DAB1: variants seen among roughly 807,000 people sequenced by gnomAD.
DAB1 encodes the protein disabled homolog 1.
A neutral mutation model predicts 64.6 loss-of-function variants in DAB1; 15 were observed. The ratio of observed to expected loss-of-function variants is 0.23; its 90% CI spans 0.16 to 0.36. The LOEUF (loss-of-function observed/expected upper bound fraction) is 0.36. DAB1 is among the 10% of genes least tolerant of loss of function. The pLI is 1.00. For synonymous variants in DAB1, 235 were observed against 251.9 expected, an observed-to-expected ratio of 0.93 and a Z score of 0.64; for missense variants, 596 against 706.7, an observed-to-expected ratio of 0.84 and a Z score of 1.78.
At chr1:57,219,527 C>G (rs1003427641) in intron 2 of DAB1, among the ~76,000 whole-genome samples, 9 of 152,292 alleles carry the variant, frequency 5.9e-5, no homozygotes, top group South Asian at 2.1e-4. Context: ...GCTAGGGGAA[C>G]CTGACACTCA....
intron 6 of DAB1, among the ~76,000 whole-genome samples, chr1:57,725,989 G>A (rs903999886): frequency 1.3e-5 from 2 of 152,074 alleles, no homozygotes; most frequent in African/African-American, 4.8e-5. Context: ...CCTGAGCTCA[G>A]GCAATCCATC....
chr1:57,850,182 T>C (rs1189617208), intron 1 of DAB1, among the ~76,000 whole-genome samples: 1 of 152,156 alleles, frequency 6.6e-6, no homozygotes, highest in Non-Finnish European at 1.5e-5. Context: ...AAACCTTTAA[T>C]GGAAAGAATG....
intron 1 of DAB1, among the ~76,000 whole-genome samples, chr1:57,319,562 T>C (rs1199670019): frequency 6.6e-6 from 1 of 152,164 alleles, no homozygotes; most frequent in African/African-American, 2.4e-5. Flanking sequence ...AGGTATTTTG[T>C]GTGACCTCTC....
At chr1:58,496,169 CTT>C (rs375006213) in intron 3 of DAB1, among the ~76,000 whole-genome samples, 1,671 of 144,942 alleles carry the variant, frequency 0.012, 32 homozygotes, top group African/African-American at 0.039. Context: ...TTTTTTTAGA[CTT>C]TTTTTTTTTG....
At chr1:57,218,231 G>T (rs1297666688) in intron 2 of DAB1, among the ~76,000 whole-genome samples, 2 of 152,150 alleles carry the variant, frequency 1.3e-5, no homozygotes, top group South Asian at 4.1e-4. Flanking sequence ...GCATTCCCTG[G>T]CTGTGTGTCC....
chr1:58,195,219 T>C (rs902493999), intron 4 of DAB1, among the ~76,000 whole-genome samples: 1 of 152,048 alleles, frequency 6.6e-6, no homozygotes, highest in Non-Finnish European at 1.5e-5. Context: ...GTGTTCCAAG[T>C]AAGATGGCTG....
chr1:58,403,374 GT>G (rs772993898), intron 3 of DAB1, among the ~76,000 whole-genome samples: 4 of 151,208 alleles, frequency 2.6e-5, no homozygotes, highest in Non-Finnish European at 1.5e-5. Context: ...AGAAAATAAA[GT>G]AAGTATAATT....
chr1:57,988,064 A>T (rs1163385651), intron 5 of DAB1, among the ~76,000 whole-genome samples: 1 of 152,146 alleles, frequency 6.6e-6, no homozygotes. Context: ...GTGTGTACTT[A>T]GGAACCCAAT....
At chr1:57,540,048 TAGA>T (rs1331875649) in intron 7 of DAB1, among the ~76,000 whole-genome samples, 1 of 152,200 alleles carries the variant, frequency 6.6e-6, no homozygotes, top group Non-Finnish European at 1.5e-5. Flanking sequence ...GTACATGTTC[TAGA>T]GAGGGATTAG....
intron 7 of DAB1, among the ~76,000 whole-genome samples, chr1:57,556,095 C>A (rs893380481): frequency 7.9e-5 from 12 of 152,196 alleles, no homozygotes; most frequent in African/African-American, 2.4e-4. Context: ...AAGCAAGGAG[C>A]AAGATGATTA....
chr1:58,067,908 G>A (rs984689130), intron 5 of DAB1, among the ~76,000 whole-genome samples: 2 of 152,192 alleles, frequency 1.3e-5, no homozygotes, highest in Non-Finnish European at 2.9e-5. Flanking sequence ...AAGCATTTAG[G>A]ACAGTGCCTT....
chr1:57,540,773 G>A (rs1297561369), intron 7 of DAB1, among the ~76,000 whole-genome samples: 1 of 152,170 alleles, frequency 6.6e-6, no homozygotes, highest in Non-Finnish European at 1.5e-5. Flanking sequence ...CTGATCTCAT[G>A]GAGGTAGAAA....
At position 57,454,360 on chromosome 1, in the gene DAB1, T is replaced by C. The variant is rs151112329; in HGVS notation, n.626-163194A>G. Among the ~76,000 whole-genome samples the C allele has an allele frequency of 7.0e-3, 1,066 of 152,194 alleles. 8 individuals are homozygous for C. The highest frequency in any genetic ancestry group is 0.025 in the African/African-American group (1,023 of 41,514). On this transcript the variant is annotated intron_variant and non_coding_transcript_variant, in intron 7 of 20. Coordinates refer to the DAB1 transcript ENST00000485760. ...TGAGATCATGTCTTCTGTGGGAACA[T>C]GGATGGAACTGGAGGCTATTATACT...
intron 9 of DAB1, among the ~76,000 whole-genome samples, chr1:57,044,218 TTGTC>T (rs1648172103): frequency 6.6e-6 from 1 of 152,236 alleles, no homozygotes; most frequent in Admixed American, 6.5e-5. Context: ...ACTGCTCTGT[TTGTC>T]TGTTTCCTTT....
At chr1:57,696,261 G>A (rs552665855) in intron 6 of DAB1, among the ~76,000 whole-genome samples, 24 of 151,980 alleles carry the variant, frequency 1.6e-4, no homozygotes, top group Non-Finnish European at 2.8e-4. Flanking sequence ...TCTGTTCCCC[G>A]GGAAACAGGC....
At chr1:58,043,796 C>T (rs531955029) in intron 5 of DAB1, among the ~76,000 whole-genome samples, 1 of 152,174 alleles carries the variant, frequency 6.6e-6, no homozygotes, top group East Asian at 1.9e-4. Context: ...GGCACGATCT[C>T]GGCTTACTGC....
intron 5 of DAB1, among the ~76,000 whole-genome samples, chr1:58,077,153 G>C (rs929934125): frequency 1.3e-5 from 2 of 152,134 alleles, no homozygotes; most frequent in Non-Finnish European, 2.9e-5. Flanking sequence ...CAATAACAAT[G>C]ATAATGATAA....
chr1:58,230,522 T>G (rs1659726416), intron 4 of DAB1, among the ~76,000 whole-genome samples: 1 of 152,150 alleles, frequency 6.6e-6, no homozygotes, highest in African/African-American at 2.4e-5. Flanking sequence ...AAGTCCTTAT[T>G]GAACGACAGT....
At chr1:57,115,299 T>C (rs1186530660) in intron 4 of DAB1, among the ~76,000 whole-genome samples, 1 of 152,208 alleles carries the variant, frequency 6.6e-6, no homozygotes, top group African/African-American at 2.4e-5. Flanking sequence ...GGGTTTCTCA[T>C]ATATTAAATC....
Sources: allele counts gnomAD v4.1 joint callset (sites outside exome capture counted in the v4.1 genomes callset), GRCh38; gene constraint gnomAD v4.1.1; transcripts MANE v1.5; gene names NCBI Gene and HGNC (gene_info 2026-07-23, HGNC 2026-07-21).